Variants in EML6 observed in about 807,000 individuals in gnomAD.
The protein encoded by EML6 is echinoderm microtubule-associated protein-like 6.
A neutral mutation model predicts 240.1 loss-of-function variants in EML6; 154 were observed. That is an observed-to-expected ratio of 0.64 (90% CI 0.56 to 0.73). The LOEUF is 0.73. Ranked by LOEUF, EML6 falls within the 30% of genes least tolerant of loss-of-function variation. The probability of loss-of-function intolerance (pLI) is 0.00; values close to 1 mark genes in which losing one functional copy is unlikely to be tolerated. For synonymous variants in EML6, 1,148 were observed against 899.0 expected (o/e 1.28, Z -4.95); for missense variants, 2,964 against 2,474.6 (o/e 1.20, Z -4.20).
chr2:54,940,104 T>C (rs1344269769), intron 28 of EML6, among the ~76,000 whole-genome samples: 2 of 152,206 alleles, frequency 1.3e-5, no homozygotes, highest in Non-Finnish European at 2.9e-5. Context: ...AAGCCTTTTA[T>C]AAATGGTGGT....
intron 2 of EML6, among the ~76,000 whole-genome samples, chr2:54,787,904 C>G (rs1283653828): frequency 6.6e-6 from 1 of 152,128 alleles, no homozygotes; most frequent in Non-Finnish European, 1.5e-5. Context: ...TGTACACACC[C>G]CGTCCCCCGA....
intron 5 of EML6, among the ~76,000 whole-genome samples, chr2:54,826,406 C>G (rs529855181): frequency 6.6e-6 from 1 of 152,328 alleles, no homozygotes; most frequent in African/African-American, 2.4e-5. Flanking sequence ...TAAGACCAGC[C>G]TGGCCAACAT....
intron 22 of EML6, among the ~76,000 whole-genome samples, chr2:54,900,484 G>A (rs1672999082): frequency 1.3e-5 from 2 of 152,174 alleles, no homozygotes; most frequent in South Asian, 2.1e-4. Flanking sequence ...TAGTAATGGC[G>A]GCTGCTCTCA....
chr2:54,836,753 C>T (rs1669169135), intron 7 of EML6, among the ~76,000 whole-genome samples: 1 of 152,170 alleles, frequency 6.6e-6, no homozygotes, highest in Non-Finnish European at 1.5e-5. Context: ...CTGTCACTTG[C>T]TTGGAATTCC....
intron 2 of EML6, among the ~76,000 whole-genome samples, chr2:54,729,843 A>G (rs1023297514): frequency 2.6e-5 from 4 of 152,232 alleles, no homozygotes; most frequent in Non-Finnish European, 5.9e-5. Context: ...GACCATGTTT[A>G]AGTTTGCTTT....
At chr2:54,817,389 T>C (rs1176150691) in intron 4 of EML6, among the ~76,000 whole-genome samples, 1 of 152,124 alleles carries the variant, frequency 6.6e-6, no homozygotes, top group Non-Finnish European at 1.5e-5. Flanking sequence ...ATGAAGGGGG[T>C]ATATACATAT....
At chr2:54,736,224 A>G (rs1683385535) in intron 2 of EML6, among the ~76,000 whole-genome samples, 1 of 152,240 alleles carries the variant, frequency 6.6e-6, no homozygotes, top group African/African-American at 2.4e-5. Flanking sequence ...ACAAGGCAAG[A>G]GAAGGCCAAT....
chr2:54,813,114 A>C, intron 2 of EML6, 118 bp from the exon 3 acceptor site: 1 of 726,034 alleles, frequency 1.4e-6, no homozygotes, highest in Non-Finnish European at 2.2e-6. Context: ...GGGACAGTTC[A>C]GACTCTTTCT....
intron 2 of EML6, among the ~76,000 whole-genome samples, chr2:54,781,857 T>C (rs928913908): frequency 6.6e-5 from 10 of 152,110 alleles, no homozygotes; most frequent in African/African-American, 2.4e-4. Context: ...TTTTTAGAGA[T>C]GGAGTTTAGC....
At chr2:54,785,623 G>A (rs745887798) in intron 2 of EML6, among the ~76,000 whole-genome samples, 11 of 152,030 alleles carry the variant, frequency 7.2e-5, no homozygotes, top group African/African-American at 1.5e-4. Flanking sequence ...CATTTATCTC[G>A]ACTGTGAATG....
At chr2:54,798,010 T>C (rs1269042647) in intron 2 of EML6, among the ~76,000 whole-genome samples, 1 of 152,134 alleles carries the variant, frequency 6.6e-6, no homozygotes, top group Admixed American at 6.5e-5. Flanking sequence ...AGTGTCTGGA[T>C]CAGTTTGTCA....
At chr2:54,821,117 G>T (rs901126697) in intron 5 of EML6, among the ~76,000 whole-genome samples, 1 of 152,092 alleles carries the variant, frequency 6.6e-6, no homozygotes, top group South Asian at 2.1e-4. Flanking sequence ...CGTAAATAAT[G>T]TAAGTTAAAG....
intron 10 of EML6, among the ~76,000 whole-genome samples, chr2:54,852,717 C>A (rs1483200968): frequency 6.6e-6 from 1 of 152,134 alleles, no homozygotes; most frequent in Non-Finnish European, 1.5e-5. Context: ...TTTAAGGTGC[C>A]AATTTGATAA....
At chr2:54,878,696 C>G (rs1030791690) in intron 16 of EML6, among the ~76,000 whole-genome samples, 3 of 152,084 alleles carry the variant, frequency 2.0e-5, no homozygotes, top group African/African-American at 7.2e-5. Context: ...GATGTGAAAA[C>G]TAGACAATAA....
chr2:54,773,431 C>A (rs560523817), intron 2 of EML6, among the ~76,000 whole-genome samples: 4 of 152,384 alleles, frequency 2.6e-5, no homozygotes, highest in African/African-American at 4.8e-5. Context: ...AGATCCGTAA[C>A]TGAGCCCAGT....
chr2:54,853,351 T>G (rs562291736), intron 10 of EML6, among the ~76,000 whole-genome samples: 1 of 152,288 alleles, frequency 6.6e-6, no homozygotes, highest in South Asian at 2.1e-4. Context: ...TTCATGTGTT[T>G]ATTGGGTACA....
In EML6 at chr2:54,903,402, T is replaced by C. The variant is rs577792463; in HGVS notation, c.3309T>C (p.His1103=). 6 of 1,551,790 alleles carry C rather than the reference T, an allele frequency of 3.9e-6. No homozygotes were observed. The South Asian group carries it at 5.9e-5, about 15-fold the overall frequency. The stretch of plus-strand genomic sequence containing the variant: ...GAAAATACCTTGCCGTGGCATCCCA[T>C]GATAACTTTGTGGATATTTACAACG... The part of the protein sequence containing the change: ...DTGKYLAVAS[H]DNFVDIYNVL... The change falls in exon 24 of 42, where the codon CAT becomes CAC. Residue 1103 remains histidine, a synonymous_variant. Transcript: ENST00000356458.
rs1671710976 is a variant in EML6, at chr2:54,879,596, T to C, written c.2394T>C (p.Ile798=). The change falls in exon 17 of 42, where the codon ATT becomes ATC. Residue 798 remains isoleucine (I), a synonymous_variant. Coordinates refer to ENST00000356458, the MANE Select transcript of EML6 (RefSeq NM_001039753.4). ...VSVGLDDFHS[I]VFWDWKKGEK... is the part of the protein sequence containing the mutation. ...TTGGTTTAGACGATTTTCACAGTAT[T>C]GTATTTTGGGACTGGAAAAAGGGAG... The C allele has an allele frequency of 6.4e-7, 1 of 1,552,148 alleles. No individual in the cohort carries two copies.
At chr2:54,833,529 T>A (rs1668982138) in intron 7 of EML6, among the ~76,000 whole-genome samples, 3 of 152,198 alleles carry the variant, frequency 2.0e-5, no homozygotes, top group African/African-American at 7.2e-5. Context: ...TTAACCCCAC[T>A]TTAGGTTAAG....
Sources: allele counts gnomAD v4.1 joint callset (sites outside exome capture counted in the v4.1 genomes callset), GRCh38; gene constraint gnomAD v4.1.1; transcripts MANE v1.5; gene names NCBI Gene and HGNC (gene_info 2026-07-23, HGNC 2026-07-21).